CTNND2: variants seen among roughly 807,000 people sequenced by gnomAD.
CTNND2 encodes catenin delta 2.
In CTNND2, 22 loss-of-function variants were observed where a neutral mutation model predicts 144.4. That is an observed-to-expected ratio of 0.15 (90% CI 0.11 to 0.22). CTNND2 has a LOEUF of 0.22. Among genes scored for constraint, CTNND2 ranks in the 10% least tolerant of loss-of-function variants. CTNND2 has a pLI of 1.00. For missense variants in CTNND2, 1,353 were observed against 1,618.8 expected (o/e 0.84, Z 2.82); for synonymous variants, 751 against 695.6 (o/e 1.08, Z -1.25).
At chr5:11,771,421 A>C (rs1325657354) in intron 1 of CTNND2, among the ~76,000 whole-genome samples, 1 of 142,066 alleles carries the variant, frequency 7.0e-6, no homozygotes, top group Non-Finnish European at 1.5e-5. Flanking sequence ...AAATTATCTA[A>C]TTAGTGCAGA....
intron 18 of CTNND2, among the ~76,000 whole-genome samples, chr5:11,001,725 A>C (rs1160259899): frequency 5.3e-5 from 8 of 152,180 alleles, no homozygotes. Context: ...ACATACTCGC[A>C]ACTGTGCTAA....
chr5:11,879,160 T>C (rs1415175142), intron 1 of CTNND2, among the ~76,000 whole-genome samples: 1 of 151,472 alleles, frequency 6.6e-6, no homozygotes, highest in Non-Finnish European at 1.5e-5. Flanking sequence ...GACAGATGTG[T>C]CTATGAAAGG....
intron 11 of CTNND2, among the ~76,000 whole-genome samples, chr5:11,188,294 T>C (rs937070137): frequency 6.6e-6 from 1 of 152,200 alleles, no homozygotes; most frequent in African/African-American, 2.4e-5. Context: ...GTGAGATCAT[T>C]TCTTTGCAGA....
intron 9 of CTNND2, among the ~76,000 whole-genome samples, chr5:11,281,136 G>A (rs898349334): frequency 9.2e-5 from 14 of 152,064 alleles, no homozygotes; most frequent in Admixed American, 7.2e-4. Flanking sequence ...TTATGTTTTC[G>A]GCCTTTTAAT....
At chr5:11,075,550 C>T (rs984583075) in intron 16 of CTNND2, among the ~76,000 whole-genome samples, 1 of 152,212 alleles carries the variant, frequency 6.6e-6, no homozygotes, top group African/African-American at 2.4e-5. Context: ...AGGTCCTTCT[C>T]TTCAGCCTCA....
intron 18 of CTNND2, among the ~76,000 whole-genome samples, chr5:11,014,155 G>A (rs928613361): frequency 1.3e-5 from 2 of 152,114 alleles, no homozygotes; most frequent in East Asian, 1.9e-4. Flanking sequence ...GATTATTAAG[G>A]TATCATCTAA....
At chr5:11,211,635 CA>C (rs768081412) in intron 10 of CTNND2, among the ~76,000 whole-genome samples, 29 of 152,304 alleles carry the variant, frequency 1.9e-4, no homozygotes, top group Non-Finnish European at 3.4e-4. Context: ...TGACAGATGG[CA>C]AAGCAGTTCA....
chr5:11,483,552 AC>A (rs1768490604), intron 3 of CTNND2, among the ~76,000 whole-genome samples: 2 of 152,182 alleles, frequency 1.3e-5, no homozygotes, highest in African/African-American at 4.8e-5. Context: ...AGATTTGTGT[AC>A]CTTTCAATGG....
chr5:11,304,715 C>T lies in CTNND2; in HGVS notation c.1628+41657G>A, dbSNP rs548913049. Reference sequence around the variant, plus strand: ...TATACCACCCTTTTCTTCCAACCACCTTGTCCTGACACAACTGTGCTCTCG... The same window carrying T: ...TATACCACCCTTTTCTTCCAACCACTTTGTCCTGACACAACTGTGCTCTCG... On this transcript the variant is annotated intron_variant, in intron 9 of 21. Coordinates refer to ENST00000304623, the MANE Select transcript of CTNND2 (RefSeq NM_001332.4). Among the ~76,000 whole-genome samples the T allele has an allele frequency of 1.1e-3, 166 of 152,304 alleles. 1 individual carries two copies. The highest frequency in any genetic ancestry group is 3.7e-3 in the African/African-American group (153 of 41,566).
chr5:11,109,238 G>A (rs1752709268), intron 14 of CTNND2, among the ~76,000 whole-genome samples: 1 of 152,198 alleles, frequency 6.6e-6, no homozygotes, highest in Non-Finnish European at 1.5e-5. Context: ...TCTGCACACA[G>A]GAGCTCGTAG....
intron 6 of CTNND2, among the ~76,000 whole-genome samples, chr5:11,392,111 G>A (rs1759683888): frequency 6.6e-6 from 1 of 152,208 alleles, no homozygotes; most frequent in Non-Finnish European, 1.5e-5. Context: ...AAACTATTTT[G>A]TCTCTGCCAC....
chr5:11,208,937 G>A (rs1477132110), intron 10 of CTNND2, among the ~76,000 whole-genome samples: 1 of 152,072 alleles, frequency 6.6e-6, no homozygotes, highest in Non-Finnish European at 1.5e-5. Flanking sequence ...TCTCTTTTTA[G>A]TTTTAATTTG....
intron 13 of CTNND2, among the ~76,000 whole-genome samples, chr5:11,112,448 C>A (rs1407995189): frequency 1.3e-5 from 2 of 152,114 alleles, no homozygotes; most frequent in African/African-American, 4.8e-5. Context: ...AAATTCTCCC[C>A]AAGAGCCTCA....
At chr5:11,244,375 C>T (rs1742770972) in intron 9 of CTNND2, among the ~76,000 whole-genome samples, 1 of 150,598 alleles carries the variant, frequency 6.6e-6, no homozygotes, top group Non-Finnish European at 1.5e-5. Flanking sequence ...ACCTCCACCT[C>T]CCAAGTTCAA....
At chr5:10,994,062 C>G (rs1462049186) in intron 18 of CTNND2, among the ~76,000 whole-genome samples, 1 of 150,740 alleles carries the variant, frequency 6.6e-6, no homozygotes, top group Non-Finnish European at 1.5e-5. Context: ...TAAAACCAAA[C>G]TAATGGATAC....
chr5:11,581,483 G>A (rs1778427985), intron 2 of CTNND2, among the ~76,000 whole-genome samples: 1 of 152,150 alleles, frequency 6.6e-6, no homozygotes, highest in South Asian at 2.1e-4. Flanking sequence ...CGTATCCAAA[G>A]GGATATATAA....
chr5:11,462,216 A>T (rs918418085), intron 3 of CTNND2, among the ~76,000 whole-genome samples: 1 of 152,096 alleles, frequency 6.6e-6, no homozygotes. Flanking sequence ...AAGAGCAAAG[A>T]CTGAGGATCA....
At chr5:11,779,451 G>A (rs963802495) in intron 1 of CTNND2, among the ~76,000 whole-genome samples, 2 of 152,152 alleles carry the variant, frequency 1.3e-5, no homozygotes, top group South Asian at 2.1e-4. Context: ...GACTCCAATC[G>A]ACCTAGTGGG....
intron 16 of CTNND2, among the ~76,000 whole-genome samples, chr5:11,024,344 G>T (rs980927627): frequency 2.6e-5 from 4 of 152,092 alleles, no homozygotes; most frequent in African/African-American, 9.7e-5. Context: ...GACAAAAATG[G>T]TTTGCCTGCA....
Sources: gnomAD v4.1 joint callset for allele counts (sites outside exome capture counted in the v4.1 genomes callset) on GRCh38, gnomAD v4.1.1 for gene constraint, MANE v1.5 for transcripts, NCBI Gene and HGNC (gene_info 2026-07-23, HGNC 2026-07-21) for gene names.